The following KCTD5 variants were observed in gnomAD, a reference collection of about 807,000 sequenced individuals.
KCTD5 encodes the protein potassium channel tetramerization domain containing 5.
Under a neutral mutation model 27.9 loss-of-function variants are expected in KCTD5, and 12 were observed. The ratio of observed to expected loss-of-function variants is 0.43; its 90% CI spans 0.28 to 0.70. KCTD5 has a LOEUF of 0.70. Among genes scored for constraint, KCTD5 ranks in the 30% least tolerant of loss-of-function variants. The probability of loss-of-function intolerance (pLI) is 0.19; values close to 1 mark genes in which losing one functional copy is unlikely to be tolerated. For synonymous variants in KCTD5, 147 were observed against 121.4 expected (o/e 1.21, Z -1.39); for missense variants, 226 against 274.8 (o/e 0.82, Z 1.26).
At chr16:2,701,706 T>C (rs1013865777) in intron 4 of KCTD5, among the ~76,000 whole-genome samples, 9 of 152,246 alleles carry the variant, frequency 5.9e-5, no homozygotes, top group African/African-American at 1.9e-4. Context: ...GCTGCTGTCA[T>C]GCTTATTGTG....
intron 1 of KCTD5, among the ~76,000 whole-genome samples, chr16:2,688,636 T>C (rs1422394828): frequency 1.5e-5 from 2 of 131,902 alleles, no homozygotes; most frequent in Non-Finnish European, 3.2e-5. Flanking sequence ...CTCAGCCCTG[T>C]CAGCCTCGGG....
At position 2,702,358 on chromosome 16, in the gene KCTD5, C is replaced by T. The variant is rs768735412; in HGVS notation, c.555C>T (p.Val185=). The T allele has an allele frequency of 6.2e-7, 1 of 1,613,514 alleles. No individual in the cohort carries two copies. The highest frequency in any genetic ancestry group is 8.5e-7 in the Non-Finnish European group (1 of 1,179,948). ...MSDGWKFEQL[V]SIGSSYNYGN... is the part of the protein sequence containing the mutation. ...CAGGCTATGTCTCCTTGCAGTTGGT[C>T]AGCATCGGCTCCTCTTACAACTATG... The change falls in exon 5 of 6, where the codon GTC becomes GTT. Residue 185 remains valine, a synonymous_variant. Coordinates refer to ENST00000301738, the MANE Select transcript of KCTD5 (RefSeq NM_018992.4).
chr16:2,687,089 C>T (rs376997633), intron 1 of KCTD5, among the ~76,000 whole-genome samples: 177 of 152,318 alleles, frequency 1.2e-3, no homozygotes, highest in Middle Eastern at 3.4e-3. Context: ...GGGGGCTCCC[C>T]GCTCCTTCCC....
At position 2,682,542 on chromosome 16, in the gene KCTD5, T is replaced by G; in HGVS notation, c.-7T>G. The G allele has an allele frequency of 1.4e-6, 2 of 1,399,074 alleles. No individual in the cohort carries two copies. Among genetic ancestry groups the G allele is most frequent in the Non-Finnish European group, 1.9e-6 (2 of 1,079,032 alleles). The allele number at this position is 1,399,074 out of a possible 1,614,324, so 86.7% of individuals were successfully genotyped here. ...GGAAGGGAGCTGTTGCGGGGCTTGC[T>G]GGGATCATGGCGGAGAATCACTGCG... On this transcript the variant is annotated 5_prime_UTR_variant, in exon 1 of 6. Coordinates refer to ENST00000301738, the MANE Select transcript of KCTD5 (RefSeq NM_018992.4).
At chr16:2,706,554 C>G (rs576668429) in intron 5 of KCTD5, among the ~76,000 whole-genome samples, 26 of 152,268 alleles carry the variant, frequency 1.7e-4, no homozygotes, top group African/African-American at 6.3e-4. Context: ...GCGCCTGAGC[C>G]TGTCCTCAGG....
intron 1 of KCTD5, among the ~76,000 whole-genome samples, chr16:2,693,318 C>A (rs575122407): frequency 6.6e-6 from 1 of 152,362 alleles, no homozygotes; most frequent in African/African-American, 2.4e-5. Context: ...GCAGCTGCAC[C>A]AGTTGGCCTG....
chr16:2,692,541 C>T (rs2067571182), intron 1 of KCTD5, among the ~76,000 whole-genome samples: 1 of 152,210 alleles, frequency 6.6e-6, no homozygotes, highest in Non-Finnish European at 1.5e-5. Context: ...TCTTTGTCCT[C>T]TGCCCTGCTC....
chr16:2,692,267 C>G (rs750011549), intron 1 of KCTD5, among the ~76,000 whole-genome samples: 4 of 152,134 alleles, frequency 2.6e-5, no homozygotes, highest in Non-Finnish European at 5.9e-5. Context: ...TGTCCAAGTT[C>G]CTGTTCTGCG....
chr16:2,689,536 G>T (rs28711015), intron 1 of KCTD5, among the ~76,000 whole-genome samples: 51,769 of 127,114 alleles, frequency 0.41, 10,934 homozygotes, highest in East Asian at 0.71. Flanking sequence ...CGAGCACCGG[G>T]AATGACTGAG....
chr16:2,703,768 G>A (rs1022682947), intron 5 of KCTD5, among the ~76,000 whole-genome samples: 21 of 152,168 alleles, frequency 1.4e-4, no homozygotes, highest in African/African-American at 4.3e-4. Context: ...CCTCGAGGCC[G>A]AGGCAGTGTA....
rs1273522634 is a variant in KCTD5, at chr16:2,708,637, C to T, written c.*1310C>T. ...GCCTCATCCTCCTCTTTGCCAGTCA[C>T]CTGATTAACCAATTCTCCAGCATTA... On this transcript the variant is annotated 3_prime_UTR_variant, in exon 6 of 6. Transcript: ENST00000301738. The T allele has an allele frequency of 6.6e-6, 1 of 152,288 alleles. No homozygotes were observed. The allele number at this position is 152,288 out of a possible 1,614,324, so 9.4% of individuals were successfully genotyped here.
At chr16:2,705,126 C>T (rs980714051) in intron 5 of KCTD5, among the ~76,000 whole-genome samples, 18 of 152,318 alleles carry the variant, frequency 1.2e-4, no homozygotes, top group Admixed American at 2.6e-4. Flanking sequence ...GCGCGCTGCA[C>T]GCCGCCAGAG....
chr16:2,692,997 GT>G (rs1445574685), intron 1 of KCTD5, among the ~76,000 whole-genome samples: 4 of 152,252 alleles, frequency 2.6e-5, no homozygotes, highest in African/African-American at 9.6e-5. Flanking sequence ...CATAGTTTGG[GT>G]GGGGCGAACC....
chr16:2,708,920 C>G lies in KCTD5; in HGVS notation c.*1593C>G, dbSNP rs985397075. On this transcript the variant is annotated 3_prime_UTR_variant, in exon 6 of 6. Coordinates refer to ENST00000301738, the MANE Select transcript of KCTD5 (RefSeq NM_018992.4). ...AAGACTTAATTCACTAAAATTTATT[C>G]TAAGGGGATATTTATACTTTTATAC... 6.6e-6 allele frequency: 1 copy of G among 152,126 alleles called. No homozygotes were observed. Among genetic ancestry groups the G allele is most frequent in the African/African-American group, 2.4e-5 (1 of 41,422 alleles). 9.4% of individuals were successfully genotyped at this position (152,126 alleles called of 1,614,324 possible).
chr16:2,699,023 T>C, intron 3 of KCTD5: 1 of 419,422 alleles, frequency 2.4e-6, no homozygotes, highest in East Asian at 7.1e-5. Context: ...TCTTGCAGAA[T>C]AAAGCAACTC....
chr16:2,692,756 T>G (rs560217215), intron 1 of KCTD5, among the ~76,000 whole-genome samples: 125 of 152,228 alleles, frequency 8.2e-4, no homozygotes, highest in Non-Finnish European at 1.6e-3. Context: ...ATCTGCCTCC[T>G]GCTGCCATAC....
chr16:2,687,057 C>A (rs2067542460), intron 1 of KCTD5, among the ~76,000 whole-genome samples: 1 of 152,334 alleles, frequency 6.6e-6, no homozygotes, highest in South Asian at 2.1e-4. Context: ...TTCTGGACCT[C>A]TGCGATGGTC....
chr16:2,688,258 TTTATTTA>T (rs869282129), intron 1 of KCTD5, among the ~76,000 whole-genome samples: 1 of 147,974 alleles, frequency 6.8e-6, no homozygotes, highest in Non-Finnish European at 1.5e-5. Flanking sequence ...TATTTATTTA[TTTATTTA>T]TTTGAGACGG....
intron 1 of KCTD5, among the ~76,000 whole-genome samples, chr16:2,685,355 AGGCAGAGGTTACAGTG>A (rs911494343): frequency 1.3e-5 from 2 of 152,154 alleles, no homozygotes; most frequent in East Asian, 3.9e-4. Flanking sequence ...TTGAACCGAG[AGGCAGAGGTTACAGTG>A]GGCTGAGGTT....
Sources: allele counts gnomAD v4.1 joint callset (sites outside exome capture counted in the v4.1 genomes callset), GRCh38; gene constraint gnomAD v4.1.1; transcripts MANE v1.5; gene names NCBI Gene and HGNC (gene_info 2026-07-23, HGNC 2026-07-21).